Variants in ATP8B1 observed in about 807,000 individuals in gnomAD.
The protein encoded by ATP8B1 is ATPase phospholipid transporting 8B1, also known as phospholipid-transporting ATPase IC.
ATP8B1 carries 80 observed loss-of-function variants against 149.9 expected under a neutral mutation model. The observed-to-expected ratio is 0.53, with a 90% CI of 0.45 to 0.64. The LOEUF (loss-of-function observed/expected upper bound fraction) is 0.64, where lower values mean the gene tolerates loss of function less well. ATP8B1 is among the 30% of genes least tolerant of loss of function. The probability of loss-of-function intolerance (pLI) is 0.00; values close to 1 mark genes in which losing one functional copy is unlikely to be tolerated. For synonymous variants in ATP8B1, 536 were observed against 562.8 expected, an observed-to-expected ratio of 0.95 and a Z score of 0.67; for missense variants, 1,247 against 1,552.6, an observed-to-expected ratio of 0.80 and a Z score of 3.31.
At chr18:57,692,023 C>T in intron 11 of ATP8B1, 26 bp from the exon 12 acceptor site, 1 of 1,595,860 alleles carries the variant, frequency 6.3e-7, no homozygotes, top group Non-Finnish European at 8.5e-7. Flanking sequence ...CATTTAAATG[C>T]ATTCTGAAGA....
At chr18:57,683,583 C>T (rs1003063357) in intron 15 of ATP8B1, among the ~76,000 whole-genome samples, 1 of 152,110 alleles carries the variant, frequency 6.6e-6, no homozygotes, top group African/African-American at 2.4e-5. Flanking sequence ...TTATTTCAAA[C>T]CCAAACTATA....
chr18:57,770,952 C>T (rs931187540), intron 1 of ATP8B1, among the ~76,000 whole-genome samples: 5 of 152,210 alleles, frequency 3.3e-5, no homozygotes, highest in Non-Finnish European at 5.9e-5. Flanking sequence ...CAACTTCTGC[C>T]TCCTAGGTTC....
At chr18:57,706,168 T>G (rs1471772212) in intron 3 of ATP8B1, among the ~76,000 whole-genome samples, 1 of 152,210 alleles carries the variant, frequency 6.6e-6, no homozygotes, top group Non-Finnish European at 1.5e-5. Flanking sequence ...AAGAGATTCC[T>G]TTCAAACTCA....
At chr18:57,789,770 T>G (rs1204715940) in intron 1 of ATP8B1, among the ~76,000 whole-genome samples, 1 of 152,222 alleles carries the variant, frequency 6.6e-6, no homozygotes, top group Admixed American at 6.5e-5. Flanking sequence ...TGCTTTTTTT[T>G]GCTCACATGT....
At chr18:57,750,469 C>A (rs180916656) in intron 1 of ATP8B1, among the ~76,000 whole-genome samples, 1 of 152,306 alleles carries the variant, frequency 6.6e-6, no homozygotes, top group East Asian at 1.9e-4. Flanking sequence ...TTACATGATG[C>A]CATCCTTTCA....
intron 1 of ATP8B1, among the ~76,000 whole-genome samples, chr18:57,757,482 G>T (rs186767741): frequency 1.3e-5 from 2 of 152,118 alleles, no homozygotes; most frequent in East Asian, 3.9e-4. Context: ...GTCCTTTGAT[G>T]GATAGAGCTA....
rs556780393 is a variant in ATP8B1, at chr18:57,653,099, G to A, written c.3016-370C>T. Among the ~76,000 whole-genome samples the A allele has an allele frequency of 2.6e-5, 4 of 152,196 alleles. No homozygotes were observed. In the East Asian group the frequency reaches 7.7e-4, roughly 29 times the overall value. On this transcript the variant is annotated intron_variant, in intron 24 of 27. Transcript: ENST00000648908. ...AAAATTTTCTCATACAAGTTGATGA[G>A]TTAATTATAAATTATTACTTTTTAG...
At chr18:57,669,616 T>C in intron 17 of ATP8B1, 134 bp from the exon 18 acceptor site, 1 of 876,382 alleles carries the variant, frequency 1.1e-6, no homozygotes, top group Non-Finnish European at 1.7e-6. Flanking sequence ...CATGACAGAT[T>C]CTGTACAAAT....
intron 8 of ATP8B1, among the ~76,000 whole-genome samples, chr18:57,696,254 T>G (rs1281154242): frequency 6.6e-6 from 1 of 152,146 alleles, no homozygotes; most frequent in Non-Finnish European, 1.5e-5. Context: ...AATAGCAGTT[T>G]TATAGTTGAG....
At chr18:57,715,469 A>C (rs1051150954) in intron 2 of ATP8B1, among the ~76,000 whole-genome samples, 2 of 152,178 alleles carry the variant, frequency 1.3e-5, no homozygotes, top group African/African-American at 4.8e-5. Context: ...GGATAATAAC[A>C]GAGAACTTCC....
intron 1 of ATP8B1, among the ~76,000 whole-genome samples, chr18:57,795,017 T>C (rs541827653): frequency 2.0e-5 from 3 of 152,232 alleles, no homozygotes; most frequent in South Asian, 4.2e-4. Context: ...GAAGGATACA[T>C]TTTACCAAAC....
rs748084795 is a variant in ATP8B1, at chr18:57,648,608, C to T, written c.3636G>A (p.Ser1212=). The change falls in exon 28 of 28, where the codon TCG becomes TCA. Residue 1212 remains serine (S), a synonymous_variant. Coordinates refer to ENST00000648908, the MANE Select transcript of ATP8B1 (RefSeq NM_001374385.1). ...VSTRRSAYAF[S]HQRGYADLIS... ...TGAGGTCCGCGTAGCCCCGCTGGTG[C>T]GAGAAGGCGTAGGCCGAGCGCCGCG... The T allele has an allele frequency of 5.6e-6, 9 of 1,610,648 alleles. No individual in the cohort carries two copies. The Admixed American group carries it at 6.7e-5, about 12-fold the overall frequency.
intron 15 of ATP8B1, among the ~76,000 whole-genome samples, chr18:57,676,190 T>G (rs112616093): frequency 0.025 from 3,827 of 152,270 alleles, 156 homozygotes; most frequent in African/African-American, 0.087. Flanking sequence ...TGAGACAGTC[T>G]TACTCTGGCA....
intron 1 of ATP8B1, among the ~76,000 whole-genome samples, chr18:57,746,520 C>G (rs374887768): frequency 7.3e-6 from 1 of 136,422 alleles, no homozygotes; most frequent in African/African-American, 2.8e-5. Context: ...GTCTCCCAGG[C>G]TGGAGTGCAG....
rs972671073 is a variant in ATP8B1, at chr18:57,784,047, T to G, written c.-26+18951A>C. 2.6e-5 allele frequency among the ~76,000 whole-genome samples: 4 copies of G among 152,068 alleles called. No individual in the cohort carries two copies. Among genetic ancestry groups the G allele is most frequent in the African/African-American group, 9.7e-5 (4 of 41,388 alleles). ...GAGGGACTCCTACTTTAATTTTTACTGGGGTGGGCAGAGACTACGCTGAAG... is the reference window on the plus strand; with the variant it reads ...GAGGGACTCCTACTTTAATTTTTACGGGGGTGGGCAGAGACTACGCTGAAG... On this transcript the variant is annotated intron_variant, in intron 1 of 27. Coordinates refer to ENST00000648908, the MANE Select transcript of ATP8B1 (RefSeq NM_001374385.1). This position sits in a 1 kb window ranked among gnomAD's most constrained non-coding sequence, Gnocchi z 4.4.
chr18:57,727,472 C>G (rs2123109692), intron 2 of ATP8B1, among the ~76,000 whole-genome samples: 1 of 152,228 alleles, frequency 6.6e-6, no homozygotes, highest in East Asian at 1.9e-4. Context: ...ACCCCACATT[C>G]TTAATTCCAG....
At position 57,732,117 on chromosome 18, in the gene ATP8B1, GTA is replaced by G. The variant is rs1164370842; in HGVS notation, c.-25-287_-25-286del. 33 of 33,042 alleles carry G rather than the reference GTA, an allele frequency of 1.0e-3. 7 individuals are homozygous for G. Among genetic ancestry groups the G allele is most frequent in the African/African-American group, 4.9e-3 (26 of 5,350 alleles). 2.0% of individuals were successfully genotyped at this position (33,042 alleles called of 1,614,324 possible). A position where few individuals can be genotyped will look rare whatever the true frequency, so the allele number is the denominator to read the frequency against. ...TATGTGTATATATATATGTATATAT[GTA>G]TATATATGTGTATATGTATATATGT... is the stretch of plus-strand genomic sequence containing the variant. On this transcript the variant is annotated intron_variant, in intron 1 of 27. Transcript: ENST00000648908.
At chr18:57,694,749 G>A in intron 10 of ATP8B1, 79 bp from the exon 11 acceptor site, 1 of 1,011,470 alleles carries the variant, frequency 9.9e-7, no homozygotes, top group Non-Finnish European at 1.5e-6. Flanking sequence ...ACTCTTCTTG[G>A]CCAGGCATGG....
chr18:57,696,586 A>G (rs1912826381), intron 8 of ATP8B1, among the ~76,000 whole-genome samples: 1 of 150,360 alleles, frequency 6.7e-6, no homozygotes, highest in South Asian at 2.1e-4. Context: ...CCAACAGTCA[A>G]TTGCCTGATC....
Sources: allele counts gnomAD v4.1 joint callset (sites outside exome capture counted in the v4.1 genomes callset), GRCh38; gene constraint gnomAD v4.1.1; non-coding constraint Gnocchi (gnomAD v3.1); transcripts MANE v1.5; gene names NCBI Gene and HGNC (gene_info 2026-07-23, HGNC 2026-07-21).